ENGASE: variants seen among roughly 807,000 people sequenced by gnomAD.
ENGASE encodes the protein endo-beta-N-acetylglucosaminidase, also known as cytosolic endo-beta-N-acetylglucosaminidase.
In ENGASE, 69 loss-of-function variants were observed where a neutral mutation model predicts 78.5. The ratio of observed to expected loss-of-function variants is 0.88; its 90% CI spans 0.72 to 1.07. The LOEUF is 1.07. ENGASE is among the 50% of genes least tolerant of loss of function. The pLI, the probability that ENGASE is intolerant of heterozygous loss-of-function variation, is 0.00. For missense variants in ENGASE, 943 were observed against 988.4 expected (o/e 0.95, Z 0.62); for synonymous variants, 408 against 408.9 (o/e 1.00, Z 0.03).
rs2073207631 is a variant in ENGASE, at chr17:79,083,599, G to A, written c.1251+9G>A. On this transcript the variant is annotated intron_variant, in intron 9 of 13. Coordinates refer to ENST00000579016, the MANE Select transcript of ENGASE (RefSeq NM_001042573.3). The surrounding 1 kb of genome is among the most constrained non-coding windows in gnomAD (Gnocchi z 4.9). Reference sequence around the variant, plus strand: ...GGGTCTGCTATGGCCAGGTGGGTGGGTGTCTTCCCTCCGTGTCTGTCCTCT... The same window carrying A: ...GGGTCTGCTATGGCCAGGTGGGTGGATGTCTTCCCTCCGTGTCTGTCCTCT... 1 of 1,610,960 alleles carries A rather than the reference G, an allele frequency of 6.2e-7. No individual in the cohort carries two copies. The highest frequency in any genetic ancestry group is 2.2e-5 in the East Asian group (1 of 44,856).
rs764969775 is a variant in ENGASE at position 79,075,664 on chromosome 17, G to C, written c.146+574G>C. 5 of 984,850 alleles carry C rather than the reference G, an allele frequency of 5.1e-6. No individual in the cohort carries two copies. The African/African-American group carries it at 8.7e-5, about 17-fold the overall frequency. 61.0% of individuals were successfully genotyped at this position (984,850 alleles called of 1,614,324 possible). On this transcript the variant is annotated intron_variant, in intron 1 of 13. Transcript: ENST00000579016. ...TCCTTTGGGGGGCACTTGCCCACCCGGTAAACTCCCCCTCAGTAGGTTGCA... is the reference window on the plus strand; with the variant it reads ...TCCTTTGGGGGGCACTTGCCCACCCCGTAAACTCCCCCTCAGTAGGTTGCA...
intron 12 of ENGASE, 78 bp from the exon 13 acceptor site, chr17:79,085,542 T>G (rs1053180080): frequency 7.0e-6 from 11 of 1,578,734 alleles, no homozygotes; most frequent in Middle Eastern, 3.6e-4. Flanking sequence ...CCTTCTGCTG[T>G]GGCTTGGGGC....
chr17:79,077,725 C>G lies in ENGASE; in HGVS notation c.277C>G (p.Leu93Val), dbSNP rs747749120. ...ISFYLSSLEE[L>V]LAWKPRLEDG... is the part of the protein sequence containing the mutation. Reference sequence around the variant, plus strand: ...CTTTTACTTGTCTTCGCTGGAGGAGCTCTTGGCGTGGAAGCCCCGCTTGGA... The same window carrying G: ...CTTTTACTTGTCTTCGCTGGAGGAGGTCTTGGCGTGGAAGCCCCGCTTGGA... The change falls in exon 3 of 14, where the codon CTC (leucine) becomes GTC (valine). Residue 93 changes from leucine to valine, a missense_variant. Physicochemically the swap from Leu to Val is conservative, Grantham distance 32. Coordinates refer to ENST00000579016, the MANE Select transcript of ENGASE (RefSeq NM_001042573.3). 1 of 1,614,218 alleles carries G rather than the reference C, an allele frequency of 6.2e-7. No individual in the cohort carries two copies. The highest frequency in any genetic ancestry group is 1.3e-5 in the African/African-American group (1 of 75,072).
intron 11 of ENGASE, among the ~76,000 whole-genome samples, chr17:79,084,981 GA>G (rs1415073263): frequency 6.6e-6 from 1 of 152,212 alleles, no homozygotes; most frequent in Non-Finnish European, 1.5e-5. Context: ...GTGGCGTGGA[GA>G]GGGGCGAGCA....
At position 79,086,394 on chromosome 17, in the gene ENGASE, T is replaced by C; in HGVS notation, c.*45T>C. 2 of 1,569,024 alleles carry C rather than the reference T, an allele frequency of 1.3e-6. No individual in the cohort carries two copies. Among genetic ancestry groups the C allele is most frequent in the Non-Finnish European group, 1.7e-6 (2 of 1,157,838 alleles). ...GGTCTCCTGGCCTCGGGCTGAGGCCTCTTCCCGGCTGTCTGCCCCTGGCCT... is the reference window on the plus strand; with the variant it reads ...GGTCTCCTGGCCTCGGGCTGAGGCCCCTTCCCGGCTGTCTGCCCCTGGCCT... On this transcript the variant is annotated 3_prime_UTR_variant, in exon 14 of 14. Transcript: ENST00000579016.
At chr17:79,075,736 G>C in intron 1 of ENGASE, 6 of 985,464 alleles carry the variant, frequency 6.1e-6, no homozygotes, top group Non-Finnish European at 7.2e-6. Flanking sequence ...AACAGCAGCC[G>C]TAGCTTTGTT....
rs994633030 is a variant in ENGASE, at chr17:79,087,651, G to T, written c.*1302G>T. 1 of 154,042 alleles carries T rather than the reference G, an allele frequency of 6.5e-6. No homozygotes were observed. The highest frequency in any genetic ancestry group is 1.4e-5 in the Non-Finnish European group (1 of 69,060). 9.5% of individuals were successfully genotyped at this position (154,042 alleles called of 1,614,324 possible). ...CAGGCCACATAGGGCCAGTGGTAGGGGTTCCCTCTATGTCGGGCAGTGCTG... is the reference window on the plus strand; with the variant it reads ...CAGGCCACATAGGGCCAGTGGTAGGTGTTCCCTCTATGTCGGGCAGTGCTG... On this transcript the variant is annotated 3_prime_UTR_variant, in exon 14 of 14. Transcript: ENST00000579016.
chr17:79,082,887 G>C (rs1309408773), intron 7 of ENGASE, 133 bp from the exon 8 acceptor site: 2 of 1,575,664 alleles, frequency 1.3e-6, no homozygotes, highest in Admixed American at 3.4e-5. Context: ...GGTGCATCTA[G>C]GAGGGAGGGG....
chr17:79,082,557 G>C (rs141861223), intron 7 of ENGASE: 1 of 1,224,044 alleles, frequency 8.2e-7, no homozygotes, highest in Non-Finnish European at 1.0e-6. Context: ...GGGCCAGGCC[G>C]GTGCCCCTGG....
intron 5 of ENGASE, 45 bp from the exon 6 acceptor site, chr17:79,080,880 A>G (rs2889532): frequency 0.081 from 126,884 of 1,574,738 alleles, 6,763 homozygotes; most frequent in African/African-American, 0.24. Context: ...CATGATAGAT[A>G]GATCTGGGGC....
rs1017020869 is a variant in ENGASE, at chr17:79,079,415, G to A, written c.417-74G>A. 16 of 1,537,738 alleles carry A rather than the reference G, an allele frequency of 1.0e-5. No individual in the cohort carries two copies. In the African/African-American group the frequency reaches 1.7e-4, roughly 16 times the overall value. ...ACTCCTGGGCTCAAGTGATCCACCT[G>A]CCTTGGCCTGCCAAAGTGCTGGGAA... On this transcript the variant is annotated intron_variant, in intron 3 of 13. Transcript: ENST00000579016.
chr17:79,077,818 C>G lies in ENGASE; in HGVS notation c.370C>G (p.Arg124Gly). The change falls in exon 3 of 14, where the codon CGG (arginine) becomes GGG (glycine). Residue 124 changes from arginine (R) to glycine (G), a missense_variant. Transcript: ENST00000579016. Reference sequence around the variant, plus strand: ...GCCCCCTCTGAGCAGCCAGAGGCCCCGGACTTTGTTGTGTCATGACATGAT... The same window carrying G: ...GCCCCCTCTGAGCAGCCAGAGGCCCGGGACTTTGTTGTGTCATGACATGAT... ...RQPPLSSQRP[R>G]TLLCHDMMGG... 1 of 1,613,580 alleles carries G rather than the reference C, an allele frequency of 6.2e-7. No individual in the cohort carries two copies. Among genetic ancestry groups the G allele is most frequent in the Non-Finnish European group, 8.5e-7 (1 of 1,179,802 alleles).
rs1440753633 is a variant in ENGASE at position 79,083,675 on chromosome 17, G to A, written c.1251+85G>A. The stretch of plus-strand genomic sequence containing the variant: ...AGCCTGGGACTTGCCAGCAGGCACG[G>A]TGGTGGTCTTACCCTTCCCTGCCGC... On this transcript the variant is annotated intron_variant, in intron 9 of 13. Transcript: ENST00000579016. This position sits in a 1 kb window ranked among gnomAD's most constrained non-coding sequence, Gnocchi z 4.9. 6.5e-7 allele frequency: 1 copy of A among 1,530,170 alleles called. No individual in the cohort carries two copies. Among genetic ancestry groups the A allele is most frequent in the Non-Finnish European group, 8.8e-7 (1 of 1,140,490 alleles). The allele number at this position is 1,530,170 out of a possible 1,614,324, so 94.8% of individuals were successfully genotyped here. A position where few individuals can be genotyped will look rare whatever the true frequency, so the allele number is the denominator to read the frequency against.
intron 6 of ENGASE, 146 bp downstream of exon 6, chr17:79,081,219 T>G (rs1599339779): frequency 8.8e-7 from 1 of 1,133,994 alleles, no homozygotes; most frequent in East Asian, 2.8e-5. Flanking sequence ...AGGGAGAAGG[T>G]GGGCCAGGCG....
chr17:79,080,843 CCT>C lies in ENGASE; in HGVS notation c.724-81_724-80del, dbSNP rs3833105. Reference sequence around the variant, plus strand: ...TGTGGGTCTGTTTGCTCTGCATCCCCCTGTCTGTCCAGCGCTGGATACTTCTC... The same window carrying C: ...TGTGGGTCTGTTTGCTCTGCATCCCCGTCTGTCCAGCGCTGGATACTTCTC... On this transcript the variant is annotated intron_variant, in intron 5 of 13. Transcript: ENST00000579016. 1.0e-2 allele frequency: 14,989 copies of C among 1,506,210 alleles called. 1,447 individuals carry two copies. The East Asian group carries it at 0.25, about 25-fold the overall frequency. 93.3% of individuals were successfully genotyped at this position (1,506,210 alleles called of 1,614,324 possible). A position where few individuals can be genotyped will look rare whatever the true frequency, so the allele number is the denominator to read the frequency against.
In ENGASE at chr17:79,083,493, G is replaced by T; in HGVS notation, c.1154G>T (p.Arg385Leu). 2 of 1,614,012 alleles carry T rather than the reference G, an allele frequency of 1.2e-6. No individual in the cohort carries two copies. Among genetic ancestry groups the T allele is most frequent in the Admixed American group, 3.3e-5 (2 of 60,014 alleles). ...FFQNQDKFWG[R>L]LERYLPTHSI... is the part of the protein sequence containing the mutation. ...CATGTCTCTGGCAGGTTCTGGGGCC[G>T]ACTGGAGCGTTATCTGCCCACACAT... is the stretch of plus-strand genomic sequence containing the variant. Residue 385 changes from arginine to leucine, a missense_variant, in exon 9 of 14, where the codon CGA becomes CTA. Arg to Leu is a moderately radical substitution (Grantham distance 102). Coordinates refer to ENST00000579016, the MANE Select transcript of ENGASE (RefSeq NM_001042573.3). The surrounding 1 kb of genome is among the most constrained non-coding windows in gnomAD (Gnocchi z 4.9).
chr17:79,081,115 G>T (rs1219157246), intron 6 of ENGASE, 42 bp downstream of exon 6: 8 of 1,514,316 alleles, frequency 5.3e-6, no homozygotes, highest in African/African-American at 1.4e-5. Flanking sequence ...AGGTGCCGTG[G>T]TGGGGGCGGG....
intron 1 of ENGASE, 54 bp from the exon 2 acceptor site, chr17:79,077,376 G>A: frequency 6.5e-7 from 1 of 1,527,074 alleles, no homozygotes; most frequent in South Asian, 1.2e-5. Context: ...GCTTCTAAGT[G>A]TTCTTACCTA....
chr17:79,076,037 G>A (rs2072959846), intron 1 of ENGASE, among the ~76,000 whole-genome samples: 1 of 152,212 alleles, frequency 6.6e-6, no homozygotes, highest in Admixed American at 6.5e-5. Flanking sequence ...CCCGACCCCT[G>A]CAGTTCTCAG....
Sources: allele counts gnomAD v4.1 joint callset (sites outside exome capture counted in the v4.1 genomes callset), GRCh38; gene constraint gnomAD v4.1.1; non-coding constraint Gnocchi (gnomAD v3.1); transcripts MANE v1.5; gene names NCBI Gene and HGNC (gene_info 2026-07-23, HGNC 2026-07-21).